The following BIRC6 variants were observed in gnomAD, a reference collection of about 807,000 sequenced individuals.
The protein encoded by BIRC6 is dual E2 ubiquitin-conjugating enzyme/E3 ubiquitin-protein ligase BIRC6.
A neutral mutation model predicts 503.3 loss-of-function variants in BIRC6; 98 were observed. That is an observed-to-expected ratio of 0.19 (90% CI 0.17 to 0.23). BIRC6 has a LOEUF of 0.23. BIRC6 is among the 10% of genes least tolerant of loss of function. The probability of loss-of-function intolerance (pLI) is 1.00; values close to 1 mark genes in which losing one functional copy is unlikely to be tolerated. For missense variants in BIRC6, 5,360 were observed against 5,806.0 expected (o/e 0.92, Z 2.50); for synonymous variants, 2,240 against 2,078.7 (o/e 1.08, Z -2.11).
intron 3 of BIRC6, among the ~76,000 whole-genome samples, chr2:32,381,889 T>C (rs74987866): frequency 0.023 from 3,558 of 152,234 alleles, 133 homozygotes; most frequent in African/African-American, 0.083. Flanking sequence ...TATCTTCTCA[T>C]ATCCTCAGAG....
intron 51 of BIRC6, 41 bp downstream of exon 51, chr2:32,508,300 T>TTA: frequency 7.8e-7 from 1 of 1,287,436 alleles, no homozygotes; most frequent in Non-Finnish European, 1.0e-6. Context: ...TTTTTTTTTT[T>TTA]TTTGGCATGG....
intron 55 of BIRC6, 125 bp downstream of exon 55, chr2:32,515,895 A>G (rs1005228800): frequency 1.2e-6 from 1 of 865,050 alleles, no homozygotes; most frequent in Non-Finnish European, 1.7e-6. Context: ...TTTAAGCTAT[A>G]AAGTACTGAT....
chr2:32,447,364 G>T (rs1417166484), intron 21 of BIRC6, among the ~76,000 whole-genome samples: 6 of 150,858 alleles, frequency 4.0e-5, no homozygotes, highest in African/African-American at 1.5e-4. Context: ...CGGATGGGGC[G>T]GCTGGCCGGG....
At chr2:32,360,522 C>T (rs2033901270) in intron 1 of BIRC6, among the ~76,000 whole-genome samples, 1 of 152,036 alleles carries the variant, frequency 6.6e-6, no homozygotes, top group Non-Finnish European at 1.5e-5. Flanking sequence ...GTGAAATGGT[C>T]CATTTAATTC....
intron 3 of BIRC6, among the ~76,000 whole-genome samples, chr2:32,385,328 G>T (rs898496520): frequency 3.3e-5 from 5 of 152,218 alleles, no homozygotes; most frequent in African/African-American, 4.8e-5. Flanking sequence ...TGAGCCACTT[G>T]TTTATTCAGT....
At chr2:32,553,100 G>C (rs1369219181) in intron 65 of BIRC6, among the ~76,000 whole-genome samples, 1 of 145,434 alleles carries the variant, frequency 6.9e-6, no homozygotes, top group Non-Finnish European at 1.5e-5. Flanking sequence ...GGGAGGCTGA[G>C]GCAGGAGAAT....
rs2037956241 is a variant in BIRC6, at chr2:32,383,278, T to C, written c.645+2988T>C. Among the ~76,000 whole-genome samples, 3 of 151,284 alleles carry C rather than the reference T, an allele frequency of 2.0e-5. No homozygotes were observed. The South Asian group carries it at 6.3e-4, about 32-fold the overall frequency. On this transcript the variant is annotated intron_variant, in intron 3 of 73. Transcript: ENST00000421745. ...CAGGCTGGTCTTGAACTCCTGACCG[T>C]GTGATCTGCCCACCTTGGCCTCCCA...
chr2:32,380,149 T>G lies in BIRC6; in HGVS notation c.508-4T>G, dbSNP rs2037419679. ...GATTTTTTTATTTTTTATTTTTTAT[T>G]TAGGCACAGCAGCTCTTATCAGCAT... On this transcript the variant is annotated splice_region_variant and splice_polypyrimidine_tract_variant and intron_variant, in intron 2 of 73. Coordinates refer to ENST00000421745, the MANE Select transcript of BIRC6 (RefSeq NM_016252.4). 1 of 1,490,900 alleles carries G rather than the reference T, an allele frequency of 6.7e-7. No homozygotes were observed. The highest frequency in any genetic ancestry group is 8.9e-7 in the Non-Finnish European group (1 of 1,123,732). 92.4% of individuals were successfully genotyped at this position (1,490,900 alleles called of 1,614,324 possible).
At chr2:32,438,504 A>G (rs1272852923) in intron 15 of BIRC6, among the ~76,000 whole-genome samples, 1 of 151,600 alleles carries the variant, frequency 6.6e-6, no homozygotes, top group Non-Finnish European at 1.5e-5. Flanking sequence ...ATTGTATAGT[A>G]TGATCCCAAT....
intron 73 of BIRC6, among the ~76,000 whole-genome samples, chr2:32,615,160 A>G (rs2063152328): frequency 6.6e-6 from 1 of 152,146 alleles, no homozygotes; most frequent in South Asian, 2.1e-4. Flanking sequence ...GGACAGCACC[A>G]ATCCATGAGG....
chr2:32,611,166 C>T (rs1211572649), intron 72 of BIRC6, among the ~76,000 whole-genome samples: 4 of 150,242 alleles, frequency 2.7e-5, no homozygotes, highest in Non-Finnish European at 5.9e-5. Context: ...AGTGCAGTGG[C>T]GCGACCTTGG....
intron 21 of BIRC6, among the ~76,000 whole-genome samples, chr2:32,446,906 G>A (rs1400971491): frequency 1.6e-5 from 2 of 124,922 alleles, no homozygotes; most frequent in Admixed American, 8.3e-5. Flanking sequence ...GCGGCCTTCC[G>A]CAGTGTTTGT....
chr2:32,483,641 A>G (rs2050664232), intron 39 of BIRC6, among the ~76,000 whole-genome samples: 1 of 152,240 alleles, frequency 6.6e-6, no homozygotes, highest in Non-Finnish European at 1.5e-5. Flanking sequence ...AGTCTCATTC[A>G]GTCTGCAGTA....
intron 45 of BIRC6, among the ~76,000 whole-genome samples, chr2:32,497,060 A>G (rs918808025): frequency 6.6e-6 from 1 of 152,272 alleles, no homozygotes; most frequent in Non-Finnish European, 1.5e-5. Flanking sequence ...GTTTGTTTCT[A>G]ACTTGCTAAG....
At chr2:32,484,370 G>GGT (rs1294519115) in intron 39 of BIRC6, among the ~76,000 whole-genome samples, 10 of 151,934 alleles carry the variant, frequency 6.6e-5, no homozygotes, top group Admixed American at 6.6e-5. Context: ...TGGCCAACAT[G>GGT]GTGAAACCCC....
At chr2:32,476,405 T>C in intron 34 of BIRC6, 61 bp downstream of exon 34, 1 of 1,484,744 alleles carries the variant, frequency 6.7e-7, no homozygotes, top group African/African-American at 1.4e-5. Context: ...TGATCTTTAA[T>C]TACGATCGAG....
At chr2:32,554,553 GA>G (rs2058651151) in intron 65 of BIRC6, among the ~76,000 whole-genome samples, 1 of 152,090 alleles carries the variant, frequency 6.6e-6, no homozygotes, top group African/African-American at 2.4e-5. Context: ...ACTTCATTGG[GA>G]AAATTATAAA....
chr2:32,412,676 G>A (rs1418278798), intron 9 of BIRC6, among the ~76,000 whole-genome samples: 4 of 151,094 alleles, frequency 2.6e-5, no homozygotes, highest in African/African-American at 4.9e-5. Context: ...TTTCTAAACT[G>A]AGGTTAGAAT....
intron 73 of BIRC6, among the ~76,000 whole-genome samples, chr2:32,615,690 T>C (rs2063181558): frequency 6.6e-6 from 1 of 152,166 alleles, no homozygotes; most frequent in African/African-American, 2.4e-5. Flanking sequence ...TGGAGTGCAG[T>C]GCTGTGCGAT....
Sources: allele counts gnomAD v4.1 joint callset (sites outside exome capture counted in the v4.1 genomes callset), GRCh38; gene constraint gnomAD v4.1.1; transcripts MANE v1.5; gene names NCBI Gene and HGNC (gene_info 2026-07-23, HGNC 2026-07-21).